The following IQCE variants were observed in gnomAD, a reference collection of about 807,000 sequenced individuals.
IQCE encodes IQ motif containing E.
Under a neutral mutation model 96.0 loss-of-function variants are expected in IQCE, and 115 were observed. That is an observed-to-expected ratio of 1.20 (90% CI 1.03 to 1.40). The LOEUF (loss-of-function observed/expected upper bound fraction) is 1.40, where lower values mean the gene tolerates loss of function less well. IQCE is among the 40% of genes most tolerant of loss of function. The probability of loss-of-function intolerance (pLI) is 0.00; values close to 1 mark genes in which losing one functional copy is unlikely to be tolerated. For synonymous variants in IQCE, 412 were observed against 371.2 expected (o/e 1.11, Z -1.26); for missense variants, 1,041 against 909.1 (o/e 1.15, Z -1.87).
Position 2,605,030 on chromosome 7 carries a change from A to G in IQCE, c.1743+39A>G. 3 of 1,412,850 alleles carry G rather than the reference A, an allele frequency of 2.1e-6. No individual in the cohort carries two copies. In the South Asian group the frequency reaches 3.5e-5, roughly 16 times the overall value. 87.5% of individuals were successfully genotyped at this position (1,412,850 alleles called of 1,614,324 possible). A position where few individuals can be genotyped will look rare whatever the true frequency, so the allele number is the denominator to read the frequency against. Reference sequence around the variant, plus strand: ...GCTGGACGTCCCAGTGGCCATCTGCAGAGCTGCTCGTCTCGCACTCCATCC... The same window carrying G: ...GCTGGACGTCCCAGTGGCCATCTGCGGAGCTGCTCGTCTCGCACTCCATCC... On this transcript the variant is annotated intron_variant, in intron 19 of 21. Coordinates refer to ENST00000402050, the MANE Select transcript of IQCE (RefSeq NM_152558.5).
At chr7:2,584,181 A>G (rs1267790863) in intron 10 of IQCE, 55 bp from the exon 11 acceptor site, 3 of 1,482,846 alleles carry the variant, frequency 2.0e-6, no homozygotes, top group Non-Finnish European at 2.8e-6. Context: ...TTTTCAGATA[A>G]GGTCTTCTCC....
rs59044593 is a variant in IQCE, at chr7:2,562,285, C to CATATAT, written c.36+3080_36+3085dup. Among the ~76,000 whole-genome samples the CATATAT allele has an allele frequency of 8.1e-3, 1,181 of 146,288 alleles. 15 individuals carry two copies. Among genetic ancestry groups the CATATAT allele is most frequent in the African/African-American group, 0.028 (1,100 of 39,468 alleles). On this transcript the variant is annotated intron_variant, in intron 1 of 21. Coordinates refer to ENST00000402050, the MANE Select transcript of IQCE (RefSeq NM_152558.5). ...ATATATACCAGTACCAATTAGGGTA[C>CATATAT]ATATATATATATATATAAAATCCTT...
intron 15 of IQCE, among the ~76,000 whole-genome samples, chr7:2,593,533 C>T (rs1783780058): frequency 6.6e-6 from 1 of 152,286 alleles, no homozygotes; most frequent in African/African-American, 2.4e-5. Context: ...TGGACAAACA[C>T]CCTGAGGTCG....
intron 1 of IQCE, 107 bp from the exon 2 acceptor site, chr7:2,567,009 G>GT (rs1240655585): frequency 1.1e-6 from 1 of 895,512 alleles, no homozygotes; most frequent in African/African-American, 1.6e-5. Context: ...GATTTCTGGA[G>GT]TTTCTGTTTC....
chr7:2,588,265 A>T (rs1458248819), intron 13 of IQCE, among the ~76,000 whole-genome samples: 1 of 152,168 alleles, frequency 6.6e-6, no homozygotes, highest in Non-Finnish European at 1.5e-5. Context: ...TCGGGAAATG[A>T]ACATTTCCCC....
chr7:2,605,287 G>A (rs948456548), intron 19 of IQCE, among the ~76,000 whole-genome samples: 2 of 152,218 alleles, frequency 1.3e-5, no homozygotes, highest in African/African-American at 4.8e-5. Flanking sequence ...AGGCCATTGC[G>A]GCCCCTCCTC....
chr7:2,580,482 C>T (rs951687994), intron 8 of IQCE, among the ~76,000 whole-genome samples: 7 of 151,984 alleles, frequency 4.6e-5, no homozygotes, highest in African/African-American at 1.5e-4. Flanking sequence ...TATGATGGCG[C>T]GTGCCTGTAA....
intron 18 of IQCE, 46 bp from the exon 19 acceptor site, chr7:2,604,835 C>G: frequency 6.8e-7 from 1 of 1,460,886 alleles, no homozygotes; most frequent in Non-Finnish European, 9.6e-7. Context: ...GCCGTTGCCC[C>G]GGGCACTCAC....
At chr7:2,606,423 G>A (rs1213960814) in intron 20 of IQCE, among the ~76,000 whole-genome samples, 1 of 152,100 alleles carries the variant, frequency 6.6e-6, no homozygotes, top group Non-Finnish European at 1.5e-5. Context: ...AGATGGCAGC[G>A]TTCCCACAGG....
At chr7:2,590,251 A>G in intron 14 of IQCE, 145 bp downstream of exon 14, 1 of 632,400 alleles carries the variant, frequency 1.6e-6, no homozygotes, top group Non-Finnish European at 2.8e-6. Context: ...CAGTGTCCCC[A>G]CAGGCACAGG....
In IQCE at chr7:2,605,297, CTG is replaced by C. The variant is rs1784721071; in HGVS notation, c.1743+308_1743+309del. Among the ~76,000 whole-genome samples, 9 of 152,344 alleles carry C rather than the reference CTG, an allele frequency of 5.9e-5. No homozygotes were observed. In the South Asian group the frequency reaches 1.9e-3, roughly 32 times the overall value. ...GATGCAGGCCATTGCGGCCCCTCCTCTGTATTGAGGACCAGGTTTTTGTTTAA... is the reference window on the plus strand; with the variant it reads ...GATGCAGGCCATTGCGGCCCCTCCTCTATTGAGGACCAGGTTTTTGTTTAA... On this transcript the variant is annotated intron_variant, in intron 19 of 21. Coordinates refer to ENST00000402050, the MANE Select transcript of IQCE (RefSeq NM_152558.5).
chr7:2,568,869 CT>C (rs1374249705), intron 2 of IQCE, 84 bp from the exon 3 acceptor site: 27 of 1,281,808 alleles, frequency 2.1e-5, no homozygotes, highest in African/African-American at 4.4e-5. Context: ...TACACGACCC[CT>C]GACCCTTTCT....
Position 2,604,987 on chromosome 7 carries a change from A to G in IQCE, c.1739A>G (p.Asp580Gly), listed in dbSNP as rs1458032289. ...SEPPSVPGLPDQSSPVPRVPS... is the reference protein window; with the variant it reads ...SEPPSVPGLPGQSSPVPRVPS... ...CCACCCAGCGTGCCAGGCCTCCCAG[A>G]CCAGGTAATGTCGGGGTGCTGGACG... Residue 580 changes from aspartate (D) to glycine (G), a missense_variant, in exon 19 of 22, where the codon GAC becomes GGC. Asp to Gly is a moderately conservative substitution (Grantham distance 94). Transcript: ENST00000402050. 2 of 1,610,366 alleles carry G rather than the reference A, an allele frequency of 1.2e-6. No individual in the cohort carries two copies. The highest frequency in any genetic ancestry group is 4.5e-5 in the East Asian group (2 of 44,852).
At position 2,590,073 on chromosome 7, in the gene IQCE, G is replaced by A. The variant is rs781205716; in HGVS notation, c.1211G>A (p.Arg404Gln). Residue 404 changes from arginine (R) to glutamine (Q), a missense_variant, in exon 14 of 22, where the codon CGG becomes CAG. Coordinates refer to ENST00000402050, the MANE Select transcript of IQCE (RefSeq NM_152558.5). ...GCTGTGAGAGACCTGAAGGAAGAGC[G>A]GACCGCGCTGCAGGAGCAGCTGCTG... is the stretch of plus-strand genomic sequence containing the variant. Reference protein sequence around the residue: ...RGAVRDLKEERTALQEQLLQR... With the variant: ...RGAVRDLKEEQTALQEQLLQR... 1.1e-5 allele frequency: 17 copies of A among 1,613,092 alleles called. No homozygotes were observed. In the South Asian group the frequency reaches 1.8e-4, roughly 17 times the overall value.
At position 2,594,358 on chromosome 7, in the gene IQCE, G is replaced by A. The variant is rs569972223; in HGVS notation, c.1350-528G>A. Among the ~76,000 whole-genome samples, 13 of 126,868 alleles carry A rather than the reference G, an allele frequency of 1.0e-4. No homozygotes were observed. The East Asian group carries it at 2.6e-3, about 25-fold the overall frequency. The allele number at this position is 126,868 out of a possible 152,430, so 83.2% of individuals were successfully genotyped here. A position where few individuals can be genotyped will look rare whatever the true frequency, so the allele number is the denominator to read the frequency against. The stretch of plus-strand genomic sequence containing the variant: ...AAAGTAAATCTGAAAGGGCACATGT[G>A]CAGAAATGAATTTTTTTTTGTTTTG... On this transcript the variant is annotated intron_variant, in intron 15 of 21. Transcript: ENST00000402050.
At chr7:2,577,957 G>T (rs1380384837) in intron 6 of IQCE, among the ~76,000 whole-genome samples, 4 of 97,188 alleles carry the variant, frequency 4.1e-5, no homozygotes, top group African/African-American at 9.3e-5. Context: ...TGTCGTGTGC[G>T]TGGCTGTGCG....
intron 8 of IQCE, chr7:2,580,135 G>A (rs1006352360): frequency 6.6e-6 from 1 of 152,088 alleles, no homozygotes; most frequent in African/African-American, 2.4e-5. Flanking sequence ...GTGGCCTGCC[G>A]TGTCTACGTG....
chr7:2,606,735 G>C (rs936627362), intron 20 of IQCE, among the ~76,000 whole-genome samples: 1 of 152,160 alleles, frequency 6.6e-6, no homozygotes, highest in Non-Finnish European at 1.5e-5. Flanking sequence ...CAGGAGTCAG[G>C]GACCCATCCC....
intron 17 of IQCE, chr7:2,598,864 C>G: frequency 2.5e-6 from 1 of 394,524 alleles, no homozygotes; most frequent in Non-Finnish European, 4.5e-6. Flanking sequence ...AGTTTTCTTC[C>G]AGAACTATTC....
Sources: gnomAD v4.1 joint callset for allele counts (sites outside exome capture counted in the v4.1 genomes callset) on GRCh38, gnomAD v4.1.1 for gene constraint, MANE v1.5 for transcripts, NCBI Gene and HGNC (gene_info 2026-07-23, HGNC 2026-07-21) for gene names.